Variants in SERPINA5 observed in about 807,000 individuals in gnomAD.
SERPINA5 encodes serpin family A member 5, also known as plasma serine protease inhibitor.
SERPINA5 carries 25 observed loss-of-function variants against 25.3 expected under a neutral mutation model. The observed-to-expected ratio is 0.99, with a 90% CI of 0.72 to 1.38. The LOEUF is 1.38. Among genes scored for constraint, SERPINA5 ranks in the 40% most tolerant of loss-of-function variants. SERPINA5 has a pLI of 0.00. For missense variants in SERPINA5, 599 were observed against 509.5 expected (o/e 1.18, Z -1.69); for synonymous variants, 234 against 206.2 (o/e 1.14, Z -1.16).
chr14:94,589,656 G>A (rs1885211723), intron 3 of SERPINA5, among the ~76,000 whole-genome samples: 1 of 152,058 alleles, frequency 6.6e-6, no homozygotes, highest in African/African-American at 2.4e-5. Context: ...TGGAATGAAA[G>A]TGCAAACAGA....
chr14:94,590,163 C>G lies in SERPINA5; in HGVS notation c.742C>G (p.Arg248Gly), dbSNP rs201869477. The change falls in exon 4 of 6, where the codon CGG becomes GGG. Residue 248 changes from arginine (R) to glycine (G), a missense_variant. Coordinates refer to ENST00000329597, the MANE Select transcript of SERPINA5 (RefSeq NM_000624.6). ...GGATCAGTATCACTACCTCCTGGAC[C>G]GGAACCTCTCCTGCAGGGTGGTGGG... The part of the protein sequence containing the change: ...REDQYHYLLD[R>G]NLSCRVVGVP... 2.0e-5 allele frequency: 32 copies of G among 1,614,142 alleles called. No homozygotes were observed. The East Asian group carries it at 4.7e-4, about 24-fold the overall frequency.
intron 2 of SERPINA5, chr14:94,587,099 C>A (rs1032962245): frequency 3.1e-5 from 14 of 450,068 alleles, no homozygotes; most frequent in African/African-American, 2.0e-4. Context: ...CCTGCCCTGG[C>A]AGCCAGACCC....
chr14:94,583,807 G>A (rs970809378), intron 2 of SERPINA5, among the ~76,000 whole-genome samples: 4 of 152,192 alleles, frequency 2.6e-5, no homozygotes, highest in African/African-American at 4.8e-5. Context: ...GACCAGGAGA[G>A]GGGCAGCCCA....
In SERPINA5 at chr14:94,585,260, G is replaced by T. The variant is rs183166331; in HGVS notation, c.-17-2086G>T. On this transcript the variant is annotated intron_variant, in intron 2 of 5. Coordinates refer to ENST00000329597, the MANE Select transcript of SERPINA5 (RefSeq NM_000624.6). ...GGGTGGTGCAGGGCTGAAGGAGTTG[G>T]CACAGTGCCTGAAAGAGGGTGCGGG... Among the ~76,000 whole-genome samples the T allele has an allele frequency of 1.9e-3, 291 of 152,268 alleles. 4 individuals carry two copies. Among genetic ancestry groups the T allele is most frequent in the Admixed American group, 0.017 (260 of 15,296 alleles).
In SERPINA5 at chr14:94,587,579, T is replaced by C; in HGVS notation, c.217T>C (p.Ser73Pro). ...CATCTTCTTCTCCCCTGTGAGCATC[T>C]CCATGAGCCTGGCCATGCTCTCCCT... ...QSIFFSPVSI[S>P]MSLAMLSLGA... is the part of the protein sequence containing the mutation. Residue 73 changes from serine to proline, a missense_variant, in exon 3 of 6, where the codon TCC becomes CCC. By Grantham distance (74) the Ser-to-Pro change is moderately conservative. Coordinates refer to ENST00000329597, the MANE Select transcript of SERPINA5 (RefSeq NM_000624.6). 9 of 1,614,028 alleles carry C rather than the reference T, an allele frequency of 5.6e-6. No individual in the cohort carries two copies. The highest frequency in any genetic ancestry group is 7.6e-6 in the Non-Finnish European group (9 of 1,179,914).
chr14:94,589,352 G>A (rs1180058237), intron 3 of SERPINA5, among the ~76,000 whole-genome samples: 1 of 152,068 alleles, frequency 6.6e-6, no homozygotes, highest in Admixed American at 6.5e-5. Flanking sequence ...GGAGGCTGAG[G>A]CAGGAGAATC....
At chr14:94,584,733 C>T (rs927765524) in intron 2 of SERPINA5, among the ~76,000 whole-genome samples, 4 of 152,190 alleles carry the variant, frequency 2.6e-5, no homozygotes, top group Admixed American at 6.5e-5. Flanking sequence ...AATAAGGAAA[C>T]TCCCCTGCTT....
At position 94,592,050 on chromosome 14, in the gene SERPINA5, C is replaced by T. The variant is rs377290411; in HGVS notation, c.1039-7C>T. Reference sequence around the variant, plus strand: ...TGGCCTGGTGATGCCTGGTGTCTCCCCTGCAGATGGTGCACAAAGCTGTGG... The same window carrying T: ...TGGCCTGGTGATGCCTGGTGTCTCCTCTGCAGATGGTGCACAAAGCTGTGG... On this transcript the variant is annotated splice_region_variant and splice_polypyrimidine_tract_variant and intron_variant, in intron 5 of 5. Coordinates refer to ENST00000329597, the MANE Select transcript of SERPINA5 (RefSeq NM_000624.6). 7.5e-6 allele frequency: 12 copies of T among 1,610,146 alleles called. No homozygotes were observed. In the African/African-American group the frequency reaches 1.2e-4, roughly 16 times the overall value.
At chr14:94,588,500 C>A (rs1885169619) in intron 3 of SERPINA5, among the ~76,000 whole-genome samples, 3 of 152,196 alleles carry the variant, frequency 2.0e-5, no homozygotes, top group African/African-American at 7.2e-5. Flanking sequence ...ATCTCCCCGA[C>A]ACTCCTTGTA....
chr14:94,582,130 T>C (rs545611833), intron 2 of SERPINA5: 1 of 152,346 alleles, frequency 6.6e-6, no homozygotes, highest in Admixed American at 6.5e-5. Context: ...AGGCCGGTCA[T>C]GGCAGCTGCT....
In SERPINA5 at chr14:94,587,380, CT is replaced by C; in HGVS notation, c.20del (p.Leu7CysfsTer21). On this transcript the variant is annotated frameshift_variant, in exon 3 of 6. Coordinates refer to ENST00000329597, the MANE Select transcript of SERPINA5 (RefSeq NM_000624.6). LOFTEE classifies it high-confidence loss of function. The part of the protein sequence containing the change: MQLFLL[L>X]CLVLLSPQGA... Reference sequence around the variant, plus strand: ...CAGCCACCATGCAGCTCTTCCTCCTCTTGTGCCTGGTGCTTCTCAGCCCTCA... The same window carrying C: ...CAGCCACCATGCAGCTCTTCCTCCTCTGTGCCTGGTGCTTCTCAGCCCTCA... 6.2e-7 allele frequency: 1 copy of C among 1,610,596 alleles called. No individual in the cohort carries two copies. Among genetic ancestry groups the C allele is most frequent in the Non-Finnish European group, 8.5e-7 (1 of 1,178,680 alleles).
rs1301524878 is a variant in SERPINA5, at chr14:94,585,796, T to TGTGTGTGTGTGTGC, written c.-17-1542_-17-1541insGTGTGCGTGTGTGT. ...GTGTGTGTGTGTGTGTGTGTGTGTGTGTGTGTGTAAAGCATGTACCCTATG... is the reference window on the plus strand; with the variant it reads ...GTGTGTGTGTGTGTGTGTGTGTGTGTGTGTGTGTGTGTGCGTGTGTGTAAAGCATGTACCCTATG... On this transcript the variant is annotated intron_variant, in intron 2 of 5. Coordinates refer to ENST00000329597, the MANE Select transcript of SERPINA5 (RefSeq NM_000624.6). Among the ~76,000 whole-genome samples the TGTGTGTGTGTGTGC allele has an allele frequency of 3.8e-4, 51 of 132,698 alleles. No homozygotes were observed. The Middle Eastern group carries it at 0.012, about 31-fold the overall frequency. 87.1% of individuals were successfully genotyped at this position (132,698 alleles called of 152,430 possible).
rs1566838855 is a variant in SERPINA5 at position 94,590,737 on chromosome 14, T to C, written c.891-12T>C. The C allele has an allele frequency of 6.2e-7, 1 of 1,612,740 alleles. No individual in the cohort carries two copies. The highest frequency in any genetic ancestry group is 8.5e-7 in the Non-Finnish European group (1 of 1,179,342). Reference sequence around the variant, plus strand: ...CCAGAACAGTCTAAGAAAGCTCCTTTTCCCTTTCCAGGCAGCTCGAGCTTT... The same window carrying C: ...CCAGAACAGTCTAAGAAAGCTCCTTCTCCCTTTCCAGGCAGCTCGAGCTTT... On this transcript the variant is annotated splice_polypyrimidine_tract_variant and intron_variant, in intron 4 of 5. Transcript: ENST00000329597.
intron 2 of SERPINA5, among the ~76,000 whole-genome samples, chr14:94,584,557 C>T (rs755771344): frequency 3.3e-5 from 5 of 151,430 alleles, no homozygotes; most frequent in East Asian, 1.9e-4. Context: ...TGGCAGGGGG[C>T]GGGGTCTTGA....
At position 94,590,794 on chromosome 14, in the gene SERPINA5, T is replaced by G. The variant is rs768781523; in HGVS notation, c.936T>G (p.Tyr312Ter). The part of the protein sequence containing the change: ...YLPKFSIEGS[Y>*]QLEKVLPSLG... ...CCAAATTCTCCATTGAGGGCTCCTA[T>G]CAGCTGGAGAAAGTCCTCCCCAGTC... Residue 312 changes from tyrosine to a stop codon, truncating the protein, a stop_gained, in exon 5 of 6, where the codon TAT becomes TAG. Coordinates refer to ENST00000329597, the MANE Select transcript of SERPINA5 (RefSeq NM_000624.6). LOFTEE classifies it high-confidence loss of function. The G allele has an allele frequency of 1.2e-6, 2 of 1,614,050 alleles. No individual in the cohort carries two copies. The highest frequency in any genetic ancestry group is 1.7e-6 in the Non-Finnish European group (2 of 1,179,958).
chr14:94,591,579 A>ATTCTATTCTATTCTATTC (rs1885300166), intron 5 of SERPINA5, among the ~76,000 whole-genome samples: 1 of 149,762 alleles, frequency 6.7e-6, no homozygotes, highest in African/African-American at 2.5e-5. Context: ...ATTCTATTCT[A>ATTCTATTCTATTCTATTC]TTCTATTCTA....
In SERPINA5 at chr14:94,586,222, A is replaced by T. The variant is rs2069962; in HGVS notation, c.-17-1124A>T. 3.3e-5 allele frequency among the ~76,000 whole-genome samples: 5 copies of T among 152,012 alleles called. No homozygotes were observed. In the South Asian group the frequency reaches 6.2e-4, roughly 19 times the overall value. On this transcript the variant is annotated intron_variant, in intron 2 of 5. Coordinates refer to ENST00000329597, the MANE Select transcript of SERPINA5 (RefSeq NM_000624.6). The stretch of plus-strand genomic sequence containing the variant: ...ACCCCACAAAGGCCTCCCTGAGAAG[A>T]GCTAGAGACAAAGATGAGTGCCTCC...
Position 94,587,225 on chromosome 14 carries a change from C to A in SERPINA5, c.-17-121C>A, listed in dbSNP as rs1885119719. The A allele has an allele frequency of 6.6e-6, 6 of 911,848 alleles. No homozygotes were observed. In the African/African-American group the frequency reaches 1.0e-4, roughly 15 times the overall value. 56.5% of individuals were successfully genotyped at this position (911,848 alleles called of 1,614,324 possible). ...CATGCCCAGTCTTGCGGGTGCCATC[C>A]CTTCTCTTTGAAGCTGAATGGACCA... On this transcript the variant is annotated intron_variant, in intron 2 of 5. Coordinates refer to ENST00000329597, the MANE Select transcript of SERPINA5 (RefSeq NM_000624.6).
rs367832464 is a variant in SERPINA5, at chr14:94,587,936, G to A, written c.574G>A (p.Asp192Asn). Residue 192 changes from aspartate to asparagine, a missense_variant, in exon 3 of 6, where the codon GAT (aspartate) becomes AAT (asparagine). Coordinates refer to ENST00000329597, the MANE Select transcript of SERPINA5 (RefSeq NM_000624.6). ...GATTGTGGACTTGCTTAAGAACCTC[G>A]ATAGCAATGCGGTCGTGATCATGGT... Reference protein sequence around the residue: ...GKIVDLLKNLDSNAVVIMVNY... With the variant: ...GKIVDLLKNLNSNAVVIMVNY... The A allele has an allele frequency of 5.0e-6, 8 of 1,614,120 alleles. No homozygotes were observed. The highest frequency in any genetic ancestry group is 2.7e-5 in the African/African-American group (2 of 74,952).
Sources: gnomAD v4.1 joint callset for allele counts (sites outside exome capture counted in the v4.1 genomes callset) on GRCh38, gnomAD v4.1.1 for gene constraint, MANE v1.5 for transcripts, NCBI Gene and HGNC (gene_info 2026-07-23, HGNC 2026-07-21) for gene names.